SASH1: variants seen among roughly 807,000 people sequenced by gnomAD.
SASH1 encodes the protein SAM and SH3 domain-containing protein 1.
A neutral mutation model predicts 125.2 loss-of-function variants in SASH1; 44 were observed. The ratio of observed to expected loss-of-function variants is 0.35; its 90% confidence interval spans 0.28 to 0.45. The LOEUF (loss-of-function observed/expected upper bound fraction) is 0.45, where lower values mean the gene tolerates loss of function less well. Ranked by LOEUF, SASH1 falls within the 20% of genes least tolerant of loss-of-function variation. SASH1 has a pLI of 1.00. For missense variants in SASH1, 1,426 were observed against 1,614.5 expected (o/e 0.88, Z 2.00); for synonymous variants, 639 against 649.1 (o/e 0.98, Z 0.24).
chr6:148,267,795 T>G (rs1016750241), upstream of SASH1, among the ~76,000 whole-genome samples: 8 of 152,166 alleles, frequency 5.3e-5, no homozygotes, highest in African/African-American at 9.7e-5. Flanking sequence ...AGTCCCACCA[T>G]ACCTGCAGAA....
chr6:148,201,795 A>T, the SASH1 span, among the ~76,000 whole-genome samples: 1 of 152,310 alleles, frequency 6.6e-6, no homozygotes, highest in South Asian at 2.1e-4. Flanking sequence ...GAACAGATGG[A>T]GTGGGTCCTG....
At chr6:148,294,901 T>C (rs1779722146) in intron 1 of SASH1, among the ~76,000 whole-genome samples, 2 of 152,256 alleles carry the variant, frequency 1.3e-5, no homozygotes. Context: ...TATTGACATC[T>C]GCCTTTTCCA....
chr6:148,249,523 G>A, the SASH1 span, among the ~76,000 whole-genome samples: 3 of 152,132 alleles, frequency 2.0e-5, no homozygotes, highest in Admixed American at 1.3e-4. Flanking sequence ...ATAAGCTTTC[G>A]GTCTAGACAG....
intron 1 of SASH1, among the ~76,000 whole-genome samples, chr6:148,328,657 C>T (rs1780907120): frequency 6.6e-6 from 1 of 151,766 alleles, no homozygotes. Context: ...TGCTCCTGCT[C>T]CCATTTCTCA....
intron 17 of SASH1, among the ~76,000 whole-genome samples, chr6:148,542,542 A>C (rs1207927210): frequency 1.3e-5 from 2 of 152,136 alleles, no homozygotes; most frequent in Non-Finnish European, 2.9e-5. Flanking sequence ...GCCTGCCACC[A>C]TGCCCGGCTA....
At chr6:148,300,096 C>T (rs1479862546) in intron 1 of SASH1, among the ~76,000 whole-genome samples, 1 of 152,124 alleles carries the variant, frequency 6.6e-6, no homozygotes, top group African/African-American at 2.4e-5. Context: ...ACTACATTAC[C>T]ATAACATGCT....
intron 1 of SASH1, among the ~76,000 whole-genome samples, chr6:148,282,778 T>C (rs967819602): frequency 6.8e-6 from 1 of 147,280 alleles, no homozygotes; most frequent in Admixed American, 6.8e-5. Context: ...AGAAGGAGAA[T>C]TGGGGGCTAG....
rs186065286 is a variant in SASH1 at position 148,446,310 on chromosome 6, G to A, written c.386+5903G>A. On this transcript the variant is annotated intron_variant, in intron 4 of 19. Coordinates refer to ENST00000367467, the MANE Select transcript of SASH1 (RefSeq NM_015278.5). The stretch of plus-strand genomic sequence containing the variant: ...TTTTTAGTAGAGACGGGGTTTCACC[G>A]TGTTAGCCAGGATGGTCTTGATCTC... Among the ~76,000 whole-genome samples the A allele has an allele frequency of 3.7e-3, 565 of 151,870 alleles. 1 individual carries two copies. Among genetic ancestry groups the A allele is most frequent in the Non-Finnish European group, 5.6e-3 (379 of 67,910 alleles).
At chr6:148,546,639 G>A (rs1782590703) in intron 19 of SASH1, among the ~76,000 whole-genome samples, 1 of 152,208 alleles carries the variant, frequency 6.6e-6, no homozygotes, top group Admixed American at 6.5e-5. Flanking sequence ...CAGATCTTAA[G>A]TGTTCTCACC....
intron 1 of SASH1, among the ~76,000 whole-genome samples, chr6:148,328,335 A>G (rs1043431827): frequency 6.6e-6 from 1 of 152,212 alleles, no homozygotes; most frequent in African/African-American, 2.4e-5. Context: ...GCGGTGGCTC[A>G]CGCCTGTAAT....
chr6:148,357,608 C>T (rs1331523098), intron 1 of SASH1, among the ~76,000 whole-genome samples: 1 of 152,124 alleles, frequency 6.6e-6, no homozygotes, highest in Admixed American at 6.6e-5. Context: ...CCATCAATTC[C>T]AAGGTGGTGG....
At chr6:148,448,685 C>T (rs1776927612) in intron 4 of SASH1, among the ~76,000 whole-genome samples, 1 of 152,122 alleles carries the variant, frequency 6.6e-6, no homozygotes, top group Non-Finnish European at 1.5e-5. Context: ...GCTTTGAGCT[C>T]TTTAGGTACT....
chr6:148,372,901 A>G (rs1395297969), intron 1 of SASH1, among the ~76,000 whole-genome samples: 2 of 152,174 alleles, frequency 1.3e-5, no homozygotes, highest in Admixed American at 1.3e-4. Context: ...AATGGTAAGA[A>G]GAAATATAAG....
chr6:148,498,643 C>G (rs1779422589), intron 8 of SASH1, among the ~76,000 whole-genome samples: 1 of 152,292 alleles, frequency 6.6e-6, no homozygotes, highest in East Asian at 1.9e-4. Flanking sequence ...CTAATACATA[C>G]ATACCACAGA....
the SASH1 span, among the ~76,000 whole-genome samples, chr6:148,235,478 A>G: frequency 6.6e-6 from 1 of 152,226 alleles, no homozygotes; most frequent in Admixed American, 6.5e-5. Context: ...TTTCCACAGT[A>G]TATGTTAAAT....
chr6:148,475,872 A>G (rs1268440728), intron 7 of SASH1, among the ~76,000 whole-genome samples: 1 of 152,230 alleles, frequency 6.6e-6, no homozygotes, highest in Non-Finnish European at 1.5e-5. Flanking sequence ...AGTTTAATCT[A>G]TAAATTAGGT....
At chr6:148,212,883 C>CA in the SASH1 span, among the ~76,000 whole-genome samples, 1 of 152,106 alleles carries the variant, frequency 6.6e-6, no homozygotes, top group Admixed American at 6.6e-5. Flanking sequence ...AGGCTTGAAC[C>CA]CAGTTTCTGT....
chr6:148,528,652 G>A (rs575370925), intron 12 of SASH1, among the ~76,000 whole-genome samples: 24 of 152,198 alleles, frequency 1.6e-4, no homozygotes, highest in African/African-American at 5.5e-4. Context: ...GTCTTTCAAT[G>A]GTCAGACTGG....
chr6:148,451,535 C>T lies in SASH1; in HGVS notation c.386+11128C>T, dbSNP rs144409975. Among the ~76,000 whole-genome samples, 314 of 152,182 alleles carry T rather than the reference C, an allele frequency of 2.1e-3. 1 individual carries two copies. The highest frequency in any genetic ancestry group is 7.1e-3 in the African/African-American group (293 of 41,512). ...AACAACTGCTGAGCACGGTGAGATGCGCCTGTAGTCCTAGCTACTCGGGAG... is the reference window on the plus strand; with the variant it reads ...AACAACTGCTGAGCACGGTGAGATGTGCCTGTAGTCCTAGCTACTCGGGAG... On this transcript the variant is annotated intron_variant, in intron 4 of 19. Coordinates refer to ENST00000367467, the MANE Select transcript of SASH1 (RefSeq NM_015278.5).
Sources: allele counts gnomAD v4.1 joint callset (sites outside exome capture counted in the v4.1 genomes callset), GRCh38; gene constraint gnomAD v4.1.1; transcripts MANE v1.5; gene names NCBI Gene and HGNC (gene_info 2026-07-23, HGNC 2026-07-21).